PICALM: variants seen among roughly 807,000 people sequenced by gnomAD.
PICALM encodes phosphatidylinositol binding clathrin assembly protein, also known as phosphatidylinositol-binding clathrin assembly protein.
A neutral mutation model predicts 80.5 loss-of-function variants in PICALM; 40 were observed. The observed-to-expected ratio is 0.50, with a 90% confidence interval of 0.39 to 0.65. The LOEUF (loss-of-function observed/expected upper bound fraction) is 0.65, where lower values mean the gene tolerates loss of function less well. PICALM is among the 30% of genes least tolerant of loss of function. The pLI, the probability that PICALM is intolerant of heterozygous loss-of-function variation, is 0.00. For synonymous variants in PICALM, 288 were observed against 260.3 expected (o/e 1.11, Z -1.02); for missense variants, 676 against 778.9 (o/e 0.87, Z 1.57).
rs140599259 is a variant in PICALM, at chr11:86,000,838, C to A, written c.1018-59G>T. 2.6e-4 allele frequency: 401 copies of A among 1,561,560 alleles called. 2 individuals are homozygous for A. The African/African-American group carries it at 4.7e-3, about 18-fold the overall frequency. On this transcript the variant is annotated intron_variant, in intron 10 of 19. Transcript: ENST00000393346. Reference sequence around the variant, plus strand: ...GAAACCAGATTTCTTTGTACAGCCTCTGAAAAAAGCATTTTCTAATTTGTT... The same window carrying A: ...GAAACCAGATTTCTTTGTACAGCCTATGAAAAAAGCATTTTCTAATTTGTT...
At chr11:86,034,051 T>C (rs1358596485) in intron 1 of PICALM, among the ~76,000 whole-genome samples, 1 of 152,208 alleles carries the variant, frequency 6.6e-6, no homozygotes, top group Non-Finnish European at 1.5e-5. Context: ...TATAGTATGC[T>C]TTTAGTACTG....
rs573892116 is a variant in PICALM, at chr11:85,986,685, C to T, written c.1409-2712G>A. Among the ~76,000 whole-genome samples the T allele has an allele frequency of 9.2e-5, 14 of 152,258 alleles. No homozygotes were observed. The South Asian group carries it at 2.1e-3, about 23-fold the overall frequency. ...GATTACAGGCGTGAGCCACCGCGCC[C>T]GGCCCTCGCCAACTTTTAATTTTTA... is the stretch of plus-strand genomic sequence containing the variant. On this transcript the variant is annotated intron_variant, in intron 13 of 19. Transcript: ENST00000393346.
At position 85,982,053 on chromosome 11, in the gene PICALM, C is replaced by T. The variant is rs752380956; in HGVS notation, c.1517-50G>A. 11 of 1,557,452 alleles carry T rather than the reference C, an allele frequency of 7.1e-6. No individual in the cohort carries two copies. In the South Asian group the frequency reaches 1.1e-4, roughly 16 times the overall value. On this transcript the variant is annotated intron_variant, in intron 14 of 19. Coordinates refer to ENST00000393346, the MANE Select transcript of PICALM (RefSeq NM_007166.4). ...AGAATTTGTAAGGAACTTTATGACG[C>T]TATGGTTTTCTAAAGGAGGTCTTTG...
intron 14 of PICALM, among the ~76,000 whole-genome samples, chr11:85,982,722 C>T (rs975799440): frequency 5.3e-5 from 8 of 151,696 alleles, no homozygotes; most frequent in South Asian, 2.1e-4. Context: ...CCACCGCGCC[C>T]GGCCGAGACC....
At chr11:86,005,621 C>T (rs562751755) in intron 8 of PICALM, among the ~76,000 whole-genome samples, 109 of 152,102 alleles carry the variant, frequency 7.2e-4, no homozygotes, top group Non-Finnish European at 1.2e-3. Context: ...GGGAGGATTA[C>T]TTGAGCCTGG....
rs1474445824 is a variant in PICALM, at chr11:86,006,333, A to C, written c.807+1209T>G. The stretch of plus-strand genomic sequence containing the variant: ...GTGAGTACAGAGAAACTCAATAATA[A>C]CTGTTAACAAGGCGTTTAAAAGATG... On this transcript the variant is annotated intron_variant, in intron 8 of 19. Transcript: ENST00000393346. Among the ~76,000 whole-genome samples the C allele has an allele frequency of 2.0e-5, 3 of 152,260 alleles. No homozygotes were observed. The East Asian group carries it at 5.8e-4, about 29-fold the overall frequency.
At position 85,990,338 on chromosome 11, in the gene PICALM, G is replaced by A. The variant is rs767309413; in HGVS notation, c.1320C>T (p.Leu440=). ...GGTGAACATCACCACTACTTTTTGT[G>A]AGGAAAGGATTTAAGCTTGGAATGG... ...DDAIPSLNPF[L]TKSSGDVHLS... The change falls in exon 13 of 20, where the codon CTC becomes CTT. Residue 440 remains leucine, a synonymous_variant. Transcript: ENST00000393346. 2.5e-6 allele frequency: 4 copies of A among 1,607,428 alleles called. No homozygotes were observed. The highest frequency in any genetic ancestry group is 2.2e-5 in the South Asian group (2 of 90,836).
At chr11:86,027,366 A>T (rs571474654) in intron 2 of PICALM, among the ~76,000 whole-genome samples, 1 of 152,160 alleles carries the variant, frequency 6.6e-6, no homozygotes, top group Non-Finnish European at 1.5e-5. Context: ...CTTCACATAC[A>T]GCCTCTAAAT....
At chr11:86,067,269 C>T (rs1032862092) in intron 1 of PICALM, among the ~76,000 whole-genome samples, 4 of 152,196 alleles carry the variant, frequency 2.6e-5, no homozygotes, top group African/African-American at 9.6e-5. Flanking sequence ...CATGCTCACT[C>T]TTGCTTCAAA....
chr11:86,021,133 A>G (rs2095555523), intron 4 of PICALM, among the ~76,000 whole-genome samples: 1 of 152,150 alleles, frequency 6.6e-6, no homozygotes, highest in African/African-American at 2.4e-5. Flanking sequence ...AGACTGCTTG[A>G]GCCCAGGAGT....
At chr11:86,047,945 T>A (rs922583552) in intron 1 of PICALM, among the ~76,000 whole-genome samples, 3 of 151,572 alleles carry the variant, frequency 2.0e-5, no homozygotes, top group African/African-American at 4.9e-5. Flanking sequence ...ACTAAAAATA[T>A]AAAAAATTAG....
chr11:86,002,110 G>A (rs2095161398), intron 9 of PICALM, among the ~76,000 whole-genome samples: 1 of 152,172 alleles, frequency 6.6e-6, no homozygotes, highest in Admixed American at 6.5e-5. Context: ...TAAATTTTAT[G>A]ATAAACATTT....
chr11:85,965,809 T>TTG (rs2093865501), intron 19 of PICALM, among the ~76,000 whole-genome samples: 1 of 36,116 alleles, frequency 2.8e-5, no homozygotes, highest in African/African-American at 1.2e-4. Flanking sequence ...CCCATTTTGT[T>TTG]TTTTTGTTTT....
intron 1 of PICALM, among the ~76,000 whole-genome samples, chr11:86,032,700 A>C (rs1161240767): frequency 6.6e-6 from 1 of 152,184 alleles, no homozygotes; most frequent in African/African-American, 2.4e-5. Flanking sequence ...AGTTACTTTT[A>C]AAATATATAT....
chr11:86,068,821 C>G lies in PICALM; in HGVS notation c.-41G>C. 1 of 1,561,038 alleles carries G rather than the reference C, an allele frequency of 6.4e-7. No individual in the cohort carries two copies. Among genetic ancestry groups the G allele is most frequent in the Non-Finnish European group, 8.6e-7 (1 of 1,157,710 alleles). Reference sequence around the variant, plus strand: ...ACCACCCCACCCGCTCAGCAGCCGGCGGGGACTGGGACCCCCAAGAGCCGG... The same window carrying G: ...ACCACCCCACCCGCTCAGCAGCCGGGGGGGACTGGGACCCCCAAGAGCCGG... On this transcript the variant is annotated 5_prime_UTR_variant, in exon 1 of 20. Transcript: ENST00000393346.
chr11:85,974,905 G>A (rs1397801171), intron 18 of PICALM, 93 bp from the exon 19 acceptor site: 35 of 865,120 alleles, frequency 4.0e-5, no homozygotes, highest in Non-Finnish European at 6.9e-5. Context: ...ACAGGTCCTA[G>A]TACCTTTGCT....
chr11:85,978,342 T>C, intron 17 of PICALM: 2 of 332,896 alleles, frequency 6.0e-6, no homozygotes, highest in Non-Finnish European at 1.1e-5. Context: ...ACAAGTACCA[T>C]TAAAACATCA....
At chr11:86,022,162 T>C (rs1477882043) in intron 4 of PICALM, among the ~76,000 whole-genome samples, 3 of 152,204 alleles carry the variant, frequency 2.0e-5, no homozygotes, top group Admixed American at 6.5e-5. Context: ...AATTTTGTTA[T>C]GTGAATGATA....
intron 10 of PICALM, 126 bp from the exon 11 acceptor site, chr11:86,000,905 C>G (rs752270194): frequency 3.4e-6 from 5 of 1,479,362 alleles, no homozygotes; most frequent in Non-Finnish European, 4.6e-6. Context: ...TATGTCAGGA[C>G]GAAAAGTTAG....
Sources: allele counts gnomAD v4.1 joint callset (sites outside exome capture counted in the v4.1 genomes callset), GRCh38; gene constraint gnomAD v4.1.1; transcripts MANE v1.5; gene names NCBI Gene and HGNC (gene_info 2026-07-23, HGNC 2026-07-21).